The following ZDHHC11B variants were observed in gnomAD, a reference collection of about 807,000 sequenced individuals.
The protein encoded by ZDHHC11B is probable palmitoyltransferase ZDHHC11B.
Under a neutral mutation model 42.3 loss-of-function variants are expected in ZDHHC11B, and 17 were observed. That is an observed-to-expected ratio of 0.40 (90% CI 0.27 to 0.60). The LOEUF (loss-of-function observed/expected upper bound fraction) is 0.60. Among genes scored for constraint, ZDHHC11B ranks in the 20% least tolerant of loss-of-function variants. ZDHHC11B has a pLI of 0.41. For missense variants in ZDHHC11B, 262 were observed against 463.2 expected (o/e 0.57, Z 3.99); for synonymous variants, 123 against 193.5 (o/e 0.64, Z 3.02).
intron 6 of ZDHHC11B, among the ~76,000 whole-genome samples, chr5:754,334 A>ACACCTCTCACCT (rs1163211096): frequency 1.7e-5 from 2 of 120,206 alleles, no homozygotes; most frequent in African/African-American, 5.7e-5. Context: ...CTCAGGGGAA[A>ACACCTCTCACCT]GACCTCTCAT....
chr5:774,907 C>T (rs1404098002), intron 1 of ZDHHC11B, among the ~76,000 whole-genome samples: 6 of 151,996 alleles, frequency 3.9e-5, no homozygotes, highest in Non-Finnish European at 7.4e-5. Flanking sequence ...GGGGTGGCGC[C>T]GACAGAGCCT....
rs775103398 is a variant in ZDHHC11B at position 730,434 on chromosome 5, C to T, written c.1058G>A (p.Gly353Glu). The T allele has an allele frequency of 8.2e-6, 13 of 1,577,928 alleles. 1 individual carries two copies. The African/African-American group carries it at 1.6e-4, about 20-fold the overall frequency. ...GTTCCCATTAAACTTACGAACTTAC[C>T]CAAGTGTAGATGTACTCGGGGCATC... ...ADDAPSTSTL[G>E]LQQETTEPMK... The change falls in exon 12 of 14, where the codon GGG becomes GAG. Residue 353 changes from glycine to glutamate, a missense_variant and splice_region_variant. By Grantham distance (98) the Gly-to-Glu change is moderately conservative (BLOSUM62 -2). Transcript: ENST00000508859.
At position 716,838 on chromosome 5, in the gene ZDHHC11B, C is replaced by T. The variant is rs11748638; in HGVS notation, c.1086G>A (p.Met362Ile). Residue 362 changes from methionine to isoleucine, a missense_variant, in exon 13 of 14, where the codon ATG (methionine) becomes ATA (isoleucine). Physicochemically the swap from Met to Ile is conservative, Grantham distance 10 (BLOSUM62 1). Coordinates refer to ENST00000508859, the MANE Select transcript of ZDHHC11B (RefSeq NM_001351303.2). ...CTTCACTTTCAGCACTGTCAGTTTT[C>T]ATGGGCTCTGTTGTTTCTTGTTGCA... ...LGLQQETTEP[M>I]KTDSAESED 97,332 of 1,536,888 alleles carry T rather than the reference C, an allele frequency of 0.063. 1,332 individuals are homozygous for T. The highest frequency in any genetic ancestry group is 0.19 in the African/African-American group (13,594 of 70,890).
At chr5:754,785 C>T (rs1372168231) in intron 6 of ZDHHC11B, among the ~76,000 whole-genome samples, 14 of 91,692 alleles carry the variant, frequency 1.5e-4, no homozygotes. Context: ...TTACTCTATG[C>T]GGATGAGCTT....
intron 4 of ZDHHC11B, among the ~76,000 whole-genome samples, chr5:766,200 C>G (rs1210625316): frequency 6.6e-6 from 1 of 151,810 alleles, no homozygotes; most frequent in Non-Finnish European, 1.5e-5. Flanking sequence ...ACATGAGTCC[C>G]CGCCTGATGG....
At chr5:775,029 G>A (rs1389057245) in intron 1 of ZDHHC11B, among the ~76,000 whole-genome samples, 1 of 152,048 alleles carries the variant, frequency 6.6e-6, no homozygotes, top group African/African-American at 2.4e-5. Flanking sequence ...AAAGCTGGAG[G>A]CAGGAGCCAT....
At position 730,488 on chromosome 5, in the gene ZDHHC11B, A is replaced by C. The variant is rs1742940181; in HGVS notation, c.1024-20T>G. 4 of 1,553,248 alleles carry C rather than the reference A, an allele frequency of 2.6e-6. No homozygotes were observed. In the South Asian group the frequency reaches 5.1e-5, roughly 20 times the overall value. ...TGCTTCCTGTGGGGGGAAGGGAAGC[A>C]AAATTCTTAGGATGAACAAAGACCT... is the stretch of plus-strand genomic sequence containing the variant. On this transcript the variant is annotated intron_variant, in intron 11 of 13. Transcript: ENST00000508859.
chr5:740,571 CAG>C (rs1744056684), intron 10 of ZDHHC11B, among the ~76,000 whole-genome samples: 1 of 120,282 alleles, frequency 8.3e-6, no homozygotes. Context: ...GCCTGGGTGA[CAG>C]AGTGAAATTC....
intron 4 of ZDHHC11B, among the ~76,000 whole-genome samples, chr5:762,535 C>T (rs1464775747): frequency 2.0e-5 from 3 of 151,714 alleles, no homozygotes; most frequent in Admixed American, 6.6e-5. Context: ...ACCCCAAGAC[C>T]CAGAGACTGA....
chr5:766,562 C>A lies in ZDHHC11B; in HGVS notation c.222+136G>T, dbSNP rs1365869472. The A allele has an allele frequency of 9.7e-6, 10 of 1,028,764 alleles. No homozygotes were observed. The East Asian group carries it at 2.3e-4, about 24-fold the overall frequency. 63.7% of individuals were successfully genotyped at this position (1,028,764 alleles called of 1,614,324 possible). A position where few individuals can be genotyped will look rare whatever the true frequency, so the allele number is the denominator to read the frequency against. ...AATGGCCACTGGGCCCACCTGCAGGCTCGGGGGACATAGTCTGGCCCAGGA... is the reference window on the plus strand; with the variant it reads ...AATGGCCACTGGGCCCACCTGCAGGATCGGGGGACATAGTCTGGCCCAGGA... On this transcript the variant is annotated intron_variant, in intron 4 of 13. Coordinates refer to ENST00000508859, the MANE Select transcript of ZDHHC11B (RefSeq NM_001351303.2).
rs575361263 is a variant in ZDHHC11B, at chr5:767,584, G to A, written c.-133-60C>T. On this transcript the variant is annotated intron_variant, in intron 2 of 13. Coordinates refer to ENST00000508859, the MANE Select transcript of ZDHHC11B (RefSeq NM_001351303.2). ...CTCACTGGAAGGACTCGGTGTGCAG[G>A]CCCCACCCCGCTTCTCCAGGGGCTG... is the stretch of plus-strand genomic sequence containing the variant. 2.4e-4 allele frequency: 306 copies of A among 1,260,252 alleles called. 14 individuals carry two copies. The South Asian group carries it at 4.0e-3, about 16-fold the overall frequency. 78.1% of individuals were successfully genotyped at this position (1,260,252 alleles called of 1,614,324 possible).
intron 13 of ZDHHC11B, among the ~76,000 whole-genome samples, 191 bp downstream of exon 13, chr5:716,610 G>A (rs372470030): frequency 7.9e-5 from 12 of 151,880 alleles, no homozygotes; most frequent in East Asian, 3.9e-4. Flanking sequence ...CTCACAGCTC[G>A]GCTGCCATGC....
chr5:742,335 T>A (rs1471443140), intron 9 of ZDHHC11B, among the ~76,000 whole-genome samples: 3 of 146,844 alleles, frequency 2.0e-5, no homozygotes, highest in Non-Finnish European at 3.0e-5. Context: ...TTTTGTTTGT[T>A]TGTTGTTTTT....
intron 4 of ZDHHC11B, among the ~76,000 whole-genome samples, chr5:764,707 C>G (rs1318232013): frequency 6.6e-6 from 1 of 151,908 alleles, no homozygotes; most frequent in Non-Finnish European, 1.5e-5. Context: ...CTCTGCGGCA[C>G]CCGGTCCCAT....
intron 1 of ZDHHC11B, among the ~76,000 whole-genome samples, chr5:776,513 G>T (rs1409687264): frequency 6.6e-6 from 1 of 151,758 alleles, no homozygotes; most frequent in South Asian, 2.1e-4. Flanking sequence ...CAAGGCGCCT[G>T]CTGGGCCCAC....
chr5:715,190 A>G (rs932075197), intron 13 of ZDHHC11B, among the ~76,000 whole-genome samples: 5 of 150,696 alleles, frequency 3.3e-5, no homozygotes, highest in Non-Finnish European at 7.4e-5. Flanking sequence ...TGTGTCCATC[A>G]CTGTTAGTCA....
chr5:774,418 G>A (rs1486521006), intron 1 of ZDHHC11B, among the ~76,000 whole-genome samples: 3 of 152,292 alleles, frequency 2.0e-5, no homozygotes, highest in East Asian at 1.9e-4. Flanking sequence ...CAGGGGTCTC[G>A]CACTTGGGCC....
intron 1 of ZDHHC11B, among the ~76,000 whole-genome samples, chr5:777,782 C>A (rs893951974): frequency 6.6e-6 from 1 of 151,882 alleles, no homozygotes; most frequent in African/African-American, 2.4e-5. Flanking sequence ...GATCCTGAGC[C>A]CCGCAGCAGG....
chr5:735,849 C>T (rs1223587822), intron 10 of ZDHHC11B, among the ~76,000 whole-genome samples: 1 of 149,136 alleles, frequency 6.7e-6, no homozygotes, highest in Non-Finnish European at 1.5e-5. Context: ...TCAAAATACA[C>T]CAAAACAGAA....
Sources: allele counts gnomAD v4.1 joint callset (sites outside exome capture counted in the v4.1 genomes callset), GRCh38; gene constraint gnomAD v4.1.1; transcripts MANE v1.5; gene names NCBI Gene and HGNC (gene_info 2026-07-23, HGNC 2026-07-21).